Variants in KCNIP4 observed in about 807,000 individuals in gnomAD.
KCNIP4 encodes the protein potassium voltage-gated channel interacting protein 4, also known as Kv channel-interacting protein 4.
In KCNIP4, 12 loss-of-function variants were observed where a neutral mutation model predicts 34.0. The observed-to-expected ratio is 0.35, with a 90% confidence interval of 0.23 to 0.57. The LOEUF is 0.57. KCNIP4 is among the 20% of genes least tolerant of loss of function. The pLI, the probability that KCNIP4 is intolerant of heterozygous loss-of-function variation, is 0.83. For synonymous variants in KCNIP4, 124 were observed against 102.2 expected (o/e 1.21, Z -1.29); for missense variants, 238 against 311.7 (o/e 0.76, Z 1.78).
At chr4:21,130,364 A>G (rs564646498) in intron 1 of KCNIP4, among the ~76,000 whole-genome samples, 1 of 152,312 alleles carries the variant, frequency 6.6e-6, no homozygotes, top group African/African-American at 2.4e-5. Context: ...CAGAAGTTAA[A>G]ATTTCTTTCT....
intron 1 of KCNIP4, among the ~76,000 whole-genome samples, chr4:21,652,340 C>G (rs1201457171): frequency 6.6e-6 from 1 of 152,102 alleles, no homozygotes; most frequent in East Asian, 1.9e-4. Flanking sequence ...CTCTTTGGCC[C>G]ACCACCTCTT....
chr4:21,895,838 C>T (rs776988662), intron 1 of KCNIP4, among the ~76,000 whole-genome samples: 1 of 152,166 alleles, frequency 6.6e-6, no homozygotes, highest in African/African-American at 2.4e-5. Flanking sequence ...GGCCATCTAA[C>T]AACATCCAAT....
intron 1 of KCNIP4, among the ~76,000 whole-genome samples, chr4:20,936,580 A>G (rs954097112): frequency 1.2e-4 from 18 of 152,014 alleles, no homozygotes; most frequent in Admixed American, 1.1e-3. Context: ...AAATTCCAAA[A>G]TTCTAATCTA....
intron 5 of KCNIP4, among the ~76,000 whole-genome samples, chr4:20,747,822 C>T (rs2149330307): frequency 6.6e-6 from 1 of 152,256 alleles, no homozygotes; most frequent in South Asian, 2.1e-4. Context: ...CCTGTGGTGA[C>T]TGGCTGGATG....
chr4:20,841,614 T>C lies in KCNIP4; in HGVS notation c.288+8929A>G, dbSNP rs1578749514. ...CAAGCCCATCATTTCTCTCCTTCTC[T>C]ACTTGCTACTACCCTGGTCTATGCC... On this transcript the variant is annotated intron_variant, in intron 3 of 8. Transcript: ENST00000382152. Among the ~76,000 whole-genome samples the C allele has an allele frequency of 3.9e-5, 6 of 152,190 alleles. No individual in the cohort carries two copies. The South Asian group carries it at 1.2e-3, about 32-fold the overall frequency.
At chr4:21,681,982 G>C (rs944405622) in intron 1 of KCNIP4, among the ~76,000 whole-genome samples, 1 of 151,652 alleles carries the variant, frequency 6.6e-6, no homozygotes, top group African/African-American at 2.4e-5. Context: ...TCTGCCTCTT[G>C]GGTTCAAGTG....
chr4:21,088,423 G>A (rs6825882), intron 1 of KCNIP4, among the ~76,000 whole-genome samples: 14,138 of 151,956 alleles, frequency 0.093, 784 homozygotes, highest in African/African-American at 0.16. Flanking sequence ...GGATCCGTAC[G>A]TTCATTCTTG....
chr4:20,983,833 T>C, intron 1 of KCNIP4: 2 of 1,536,384 alleles, frequency 1.3e-6, no homozygotes, highest in Non-Finnish European at 8.7e-7. Flanking sequence ...AATCAATCAG[T>C]CCCAGCAAAT....
intron 3 of KCNIP4, among the ~76,000 whole-genome samples, chr4:20,801,236 T>C (rs536461174): frequency 1.4e-5 from 2 of 146,302 alleles, no homozygotes; most frequent in South Asian, 4.3e-4. Context: ...AAGCAAAAGC[T>C]AAATCCATCA....
chr4:21,152,070 T>C (rs948475700), intron 1 of KCNIP4, among the ~76,000 whole-genome samples: 6 of 152,028 alleles, frequency 3.9e-5, no homozygotes, highest in African/African-American at 1.4e-4. Flanking sequence ...CTGACCAACA[T>C]GGTGAAAACT....
chr4:21,890,402 GTGA>G (rs1270326665), intron 1 of KCNIP4, among the ~76,000 whole-genome samples: 5 of 152,122 alleles, frequency 3.3e-5, no homozygotes, highest in Admixed American at 2.6e-4. Flanking sequence ...TCCCTTAAGT[GTGA>G]TGTCATCTGG....
chr4:21,706,865 A>G (rs1306351952), intron 1 of KCNIP4, among the ~76,000 whole-genome samples: 1 of 152,142 alleles, frequency 6.6e-6, no homozygotes, highest in Non-Finnish European at 1.5e-5. Context: ...AGAGAAGCAG[A>G]GCAGAGCCTT....
At chr4:21,938,598 A>G (rs1452076485) in intron 1 of KCNIP4, among the ~76,000 whole-genome samples, 1 of 152,196 alleles carries the variant, frequency 6.6e-6, no homozygotes, top group African/African-American at 2.4e-5. Context: ...AAAAACTACT[A>G]TCACTCAATA....
chr4:21,710,539 TA>T (rs1480171476), intron 1 of KCNIP4, among the ~76,000 whole-genome samples: 2 of 152,182 alleles, frequency 1.3e-5, no homozygotes, highest in African/African-American at 4.8e-5. Context: ...GATGTTGTAC[TA>T]AAAGCTTTTT....
intron 1 of KCNIP4, among the ~76,000 whole-genome samples, chr4:21,569,767 T>C (rs893715638): frequency 2.0e-5 from 3 of 151,996 alleles, no homozygotes; most frequent in African/African-American, 7.2e-5. Context: ...CTTTAGGAAG[T>C]TGCTACCATT....
At position 21,210,349 on chromosome 4, in the gene KCNIP4, G is replaced by A. The variant is rs958578025; in HGVS notation, c.62-327640C>T. Among the ~76,000 whole-genome samples the A allele has an allele frequency of 5.8e-4, 88 of 152,242 alleles. 1 individual carries two copies. The highest frequency in any genetic ancestry group is 1.5e-4 in the Non-Finnish European group (10 of 68,024). Reference sequence around the variant, plus strand: ...GTTCTCATCTGCATTCTCCCTCAGCGAGATTTTCTGTCATCAAATTAGCCT... The same window carrying A: ...GTTCTCATCTGCATTCTCCCTCAGCAAGATTTTCTGTCATCAAATTAGCCT... On this transcript the variant is annotated intron_variant, in intron 1 of 8. Coordinates refer to ENST00000382152, the MANE Select transcript of KCNIP4 (RefSeq NM_025221.6).
intron 1 of KCNIP4, among the ~76,000 whole-genome samples, chr4:21,488,375 G>A (rs376096163): frequency 1.9e-3 from 290 of 152,116 alleles, no homozygotes; most frequent in African/African-American, 4.3e-3. Context: ...CCATGAACAA[G>A]AACTCAATTA....
At chr4:20,762,641 A>C (rs1755047040) in intron 3 of KCNIP4, among the ~76,000 whole-genome samples, 1 of 152,244 alleles carries the variant, frequency 6.6e-6, no homozygotes, top group South Asian at 2.1e-4. Context: ...GCAAAGTGTA[A>C]AACATAAACA....
rs16871657 is a variant in KCNIP4, at chr4:21,647,616, G to C, written c.61+300955C>G. ...CACACATCACAAAAAAGAACAATTA[G>C]CCAATTAGTCAAATTCCTTTTTGAG... On this transcript the variant is annotated intron_variant, in intron 1 of 8. Coordinates refer to ENST00000382152, the MANE Select transcript of KCNIP4 (RefSeq NM_025221.6). 6.5e-3 allele frequency among the ~76,000 whole-genome samples: 995 copies of C among 152,134 alleles called. 11 individuals are homozygous for C. The highest frequency in any genetic ancestry group is 0.022 in the African/African-American group (925 of 41,518).
Sources: gnomAD v4.1 joint callset for allele counts (sites outside exome capture counted in the v4.1 genomes callset) on GRCh38, gnomAD v4.1.1 for gene constraint, MANE v1.5 for transcripts, NCBI Gene and HGNC (gene_info 2026-07-23, HGNC 2026-07-21) for gene names.